PTGS1: variants seen among roughly 807,000 people sequenced by gnomAD.
The protein encoded by PTGS1 is prostaglandin G/H synthase 1.
A neutral mutation model predicts 63.0 loss-of-function variants in PTGS1; 40 were observed. The ratio of observed to expected loss-of-function variants is 0.63; its 90% CI spans 0.49 to 0.83. PTGS1 has a LOEUF of 0.83. Ranked by LOEUF, PTGS1 falls within the 40% of genes least tolerant of loss-of-function variation. The pLI, the probability that PTGS1 is intolerant of heterozygous loss-of-function variation, is 0.00. For missense variants in PTGS1, 709 were observed against 786.5 expected, an observed-to-expected ratio of 0.90 and a Z score of 1.18; for synonymous variants, 298 against 301.9, an observed-to-expected ratio of 0.99 and a Z score of 0.13.
rs1026496015 is a variant in PTGS1, at chr9:122,383,824, G to A, written c.1009+69G>A. On this transcript the variant is annotated intron_variant, in intron 8 of 10. Coordinates refer to ENST00000362012, the MANE Select transcript of PTGS1 (RefSeq NM_000962.4). ...CATCCTGAGAAGTTGGGGGCGGGGG[G>A]GTACTTAGAGGTGGAGGCTGGGATT... 4 of 1,560,934 alleles carry A rather than the reference G, an allele frequency of 2.6e-6. No homozygotes were observed. The Admixed American group carries it at 5.1e-5, about 20-fold the overall frequency.
intron 8 of PTGS1, among the ~76,000 whole-genome samples, chr9:122,385,293 A>C (rs905401835): frequency 1.3e-5 from 2 of 152,136 alleles, no homozygotes; most frequent in African/African-American, 4.8e-5. Flanking sequence ...TTTACAGTTA[A>C]GGAAAGTGAG....
At chr9:122,389,960 T>TA (rs112568439) in intron 9 of PTGS1, among the ~76,000 whole-genome samples, 12 of 147,680 alleles carry the variant, frequency 8.1e-5, no homozygotes, top group Non-Finnish European at 1.3e-4. Flanking sequence ...AGACAGTGTC[T>TA]AAAAAAAAAC....
chr9:122,382,890 A>T (rs1837609117), intron 7 of PTGS1, among the ~76,000 whole-genome samples: 1 of 152,170 alleles, frequency 6.6e-6, no homozygotes, highest in Non-Finnish European at 1.5e-5. Flanking sequence ...TTACAAATAA[A>T]CCCAGAGTTG....
intron 7 of PTGS1, among the ~76,000 whole-genome samples, chr9:122,383,170 A>G (rs1407171073): frequency 1.3e-5 from 2 of 151,286 alleles, no homozygotes; most frequent in Admixed American, 6.6e-5. Context: ...CTCATGATGC[A>G]AGATTTGTTG....
In PTGS1 at chr9:122,377,961, C is replaced by T. The variant is rs767143547; in HGVS notation, c.157C>T (p.Arg53Cys). 6.2e-6 allele frequency: 10 copies of T among 1,613,940 alleles called. No homozygotes were observed. The highest frequency in any genetic ancestry group is 4.4e-5 in the South Asian group (4 of 91,096). ...QGICVRFGLD[R>C]YQCDCTRTGY... ...CATCTGTGTCCGCTTCGGCCTTGAC[C>T]GCTACCAGTGTGACTGCACCCGCAC... The change falls in exon 3 of 11, where the codon CGC becomes TGC. Residue 53 changes from arginine (R) to cysteine (C), a missense_variant. Transcript: ENST00000362012.
chr9:122,381,332 G>C (rs775192184), intron 5 of PTGS1, 39 bp from the exon 6 acceptor site: 1 of 1,599,936 alleles, frequency 6.3e-7, no homozygotes, highest in East Asian at 2.3e-5. Context: ...GCAAGATCCA[G>C]ATAGGAGAAG....
intron 8 of PTGS1, among the ~76,000 whole-genome samples, chr9:122,385,897 A>T (rs1403014917): frequency 6.6e-6 from 1 of 152,218 alleles, no homozygotes; most frequent in Non-Finnish European, 1.5e-5. Context: ...ATGTGGGAGT[A>T]GCTGGTGCTC....
At chr9:122,381,788 C>T (rs1339693771) in intron 7 of PTGS1, 41 bp downstream of exon 7, 1 of 1,578,444 alleles carries the variant, frequency 6.3e-7, no homozygotes, top group Non-Finnish European at 8.7e-7. Flanking sequence ...GAGGGGTCTC[C>T]CATGGTCTTC....
intron 5 of PTGS1, among the ~76,000 whole-genome samples, chr9:122,379,504 C>G (rs1286324362): frequency 2.6e-5 from 4 of 152,222 alleles, no homozygotes; most frequent in Non-Finnish European, 5.9e-5. Flanking sequence ...CTGCTATACT[C>G]CAGTTCCTGC....
intron 2 of PTGS1, chr9:122,371,872 G>T (rs963671672): frequency 1.4e-6 from 2 of 1,414,116 alleles, no homozygotes; most frequent in Non-Finnish European, 1.9e-6. Flanking sequence ...AAAATACATG[G>T]TGGGCCCAGG....
At chr9:122,378,258 G>T (rs557078555) in intron 3 of PTGS1, among the ~76,000 whole-genome samples, 175 bp from the exon 4 acceptor site, 3 of 152,034 alleles carry the variant, frequency 2.0e-5, no homozygotes, top group Admixed American at 6.5e-5. Context: ...CTGTCCTCAC[G>T]CCCGGTTCTG....
At chr9:122,387,072 G>A (rs1837917727) in intron 9 of PTGS1, among the ~76,000 whole-genome samples, 2 of 151,968 alleles carry the variant, frequency 1.3e-5, no homozygotes, top group Admixed American at 6.6e-5. Context: ...TATGTTATCA[G>A]AATTCTAAGA....
intron 2 of PTGS1, among the ~76,000 whole-genome samples, chr9:122,377,463 T>C (rs946696497): frequency 1.3e-5 from 2 of 152,074 alleles, no homozygotes; most frequent in Non-Finnish European, 2.9e-5. Flanking sequence ...GTCCCTTTTC[T>C]GACCGCCCCC....
intron 6 of PTGS1, 36 bp from the exon 7 acceptor site, chr9:122,381,628 C>T (rs200862136): frequency 5.0e-6 from 8 of 1,613,086 alleles, no homozygotes; most frequent in Non-Finnish European, 5.9e-6. Context: ...TGGGCCGGCA[C>T]CCTGGTGACC....
At chr9:122,375,263 C>T in intron 2 of PTGS1, 1 of 984,794 alleles carries the variant, frequency 1.0e-6, no homozygotes, top group Non-Finnish European at 1.2e-6. Flanking sequence ...AGCCTCAGCT[C>T]CCGCACAGCC....
chr9:122,371,465 G>T, intron 2 of PTGS1, 193 bp downstream of exon 2: 1 of 1,233,472 alleles, frequency 8.1e-7, no homozygotes, highest in Non-Finnish European at 1.1e-6. Context: ...TGGCTAATGG[G>T]CTATCTAGTT....
At chr9:122,388,787 T>C (rs576983223) in intron 9 of PTGS1, among the ~76,000 whole-genome samples, 3 of 131,792 alleles carry the variant, frequency 2.3e-5, no homozygotes, top group South Asian at 2.1e-4. Flanking sequence ...TCCCTGAACT[T>C]GTCTTTCCTC....
At chr9:122,392,109 G>T in intron 10 of PTGS1, 80 bp from the exon 11 acceptor site, 2 of 1,252,618 alleles carry the variant, frequency 1.6e-6, no homozygotes, top group Non-Finnish European at 2.2e-6. Context: ...GAAAAAGGTG[G>T]ACCTGGAAGG....
chr9:122,381,760 C>T lies in PTGS1; in HGVS notation c.762+13C>T. ...ACTCAAGTACCAGGTAGTGCTGGGCCAGGGGGTAGGGCAGAGGGAGGGGTC... is the reference window on the plus strand; with the variant it reads ...ACTCAAGTACCAGGTAGTGCTGGGCTAGGGGGTAGGGCAGAGGGAGGGGTC... On this transcript the variant is annotated intron_variant, in intron 7 of 10. Transcript: ENST00000362012. 1.2e-6 allele frequency: 2 copies of T among 1,609,994 alleles called. No individual in the cohort carries two copies. The highest frequency in any genetic ancestry group is 1.1e-5 in the South Asian group (1 of 90,788).
Sources: gnomAD v4.1 joint callset for allele counts (sites outside exome capture counted in the v4.1 genomes callset) on GRCh38, gnomAD v4.1.1 for gene constraint, MANE v1.5 for transcripts, NCBI Gene and HGNC (gene_info 2026-07-23, HGNC 2026-07-21) for gene names.